MEMO1: variants seen among roughly 807,000 people sequenced by gnomAD.
MEMO1 encodes the protein mediator of cell motility 1, also known as protein MEMO1.
In MEMO1, 6 loss-of-function variants were observed where a neutral mutation model predicts 45.2. That is an observed-to-expected ratio of 0.13 (90% CI 0.07 to 0.26). The LOEUF is 0.26. Ranked by LOEUF, MEMO1 falls within the 10% of genes least tolerant of loss-of-function variation. MEMO1 has a pLI of 1.00. For synonymous variants in MEMO1, 78 were observed against 124.3 expected, an observed-to-expected ratio of 0.63 and a Z score of 2.48; for missense variants, 184 against 370.5, an observed-to-expected ratio of 0.50 and a Z score of 4.13.
rs112811489 is a variant in MEMO1 at position 31,924,830 on chromosome 2, T to A, written c.213-3920A>T. ...ACCTAAGGACATCCTGAATTCTGAG[T>A]TTTTAGAGTTTTAATAATAGTCAAC... On this transcript the variant is annotated intron_variant, in intron 4 of 9. Coordinates refer to ENST00000404530, the MANE Select transcript of MEMO1 (RefSeq NM_001301833.4). 8.1e-3 allele frequency among the ~76,000 whole-genome samples: 1,238 copies of A among 152,224 alleles called. 23 individuals carry two copies. Among genetic ancestry groups the A allele is most frequent in the African/African-American group, 0.028 (1,146 of 41,530 alleles).
chr2:31,931,240 G>A (rs568221061), intron 4 of MEMO1, among the ~76,000 whole-genome samples: 1 of 152,232 alleles, frequency 6.6e-6, no homozygotes, highest in African/African-American at 2.4e-5. Context: ...TGAATGAACT[G>A]CTCAAAGGCA....
At chr2:31,959,654 A>T (rs1667786587) in intron 2 of MEMO1, among the ~76,000 whole-genome samples, 1 of 152,076 alleles carries the variant, frequency 6.6e-6, no homozygotes, top group African/African-American at 2.4e-5. Context: ...AATGAAAACT[A>T]CTCCAAAAAA....
At chr2:31,923,959 A>T (rs972465419) in intron 4 of MEMO1, among the ~76,000 whole-genome samples, 2 of 152,156 alleles carry the variant, frequency 1.3e-5, no homozygotes, top group African/African-American at 4.8e-5. Flanking sequence ...ATGAAGGAAA[A>T]AGAGCCCCAC....
intron 2 of MEMO1, among the ~76,000 whole-genome samples, chr2:31,991,050 A>G (rs959701732): frequency 2.0e-5 from 3 of 152,222 alleles, no homozygotes; most frequent in African/African-American, 7.2e-5. Flanking sequence ...TCAACTATCA[A>G]ATTTGTTAAC....
chr2:31,881,602 A>G (rs1477244140), intron 8 of MEMO1, among the ~76,000 whole-genome samples: 1 of 152,088 alleles, frequency 6.6e-6, no homozygotes, highest in Non-Finnish European at 1.5e-5. Context: ...CAAAAGGACA[A>G]ATGAAGAGAA....
intron 2 of MEMO1, among the ~76,000 whole-genome samples, chr2:31,964,562 G>T (rs1356871952): frequency 6.6e-6 from 1 of 151,994 alleles, no homozygotes. Flanking sequence ...TTAGCCAGGT[G>T]TGGTGGCGCA....
intron 2 of MEMO1, among the ~76,000 whole-genome samples, chr2:31,998,690 C>T (rs147976009): frequency 1.3e-5 from 2 of 152,022 alleles, no homozygotes; most frequent in African/African-American, 2.4e-5. Context: ...ATCCCAGCTA[C>T]TCGGGAGGCT....
chr2:31,963,297 G>C (rs1311082267), intron 2 of MEMO1: 8 of 1,502,568 alleles, frequency 5.3e-6, no homozygotes, highest in African/African-American at 2.8e-5. Flanking sequence ...TCTACAGATA[G>C]GGATACAGAT....
intron 2 of MEMO1, among the ~76,000 whole-genome samples, chr2:32,002,823 AT>A (rs1673577848): frequency 6.6e-6 from 1 of 152,222 alleles, no homozygotes; most frequent in Non-Finnish European, 1.5e-5. Flanking sequence ...GAAGGAGATG[AT>A]TTTGACTTGG....
intron 2 of MEMO1, among the ~76,000 whole-genome samples, chr2:32,006,033 G>C (rs1357792879): frequency 6.6e-6 from 1 of 152,198 alleles, no homozygotes; most frequent in Non-Finnish European, 1.5e-5. Context: ...ATAAGAAACA[G>C]CATGATGTAT....
intron 3 of MEMO1, among the ~76,000 whole-genome samples, chr2:31,934,022 G>C (rs1235779329): frequency 6.6e-6 from 1 of 152,142 alleles, no homozygotes; most frequent in Non-Finnish European, 1.5e-5. Flanking sequence ...ATCTTAACTA[G>C]TTCTCTTACC....
chr2:31,880,399 A>C (rs1675180014), intron 8 of MEMO1, among the ~76,000 whole-genome samples: 1 of 152,252 alleles, frequency 6.6e-6, no homozygotes, highest in East Asian at 1.9e-4. Flanking sequence ...GTAGCAACTA[A>C]GGTAAGTTTA....
intron 6 of MEMO1, among the ~76,000 whole-genome samples, chr2:31,900,814 G>C (rs1678673644): frequency 1.3e-5 from 2 of 152,094 alleles, no homozygotes; most frequent in African/African-American, 4.8e-5. Context: ...ATATTGGCCA[G>C]GATGTAAAGA....
chr2:31,882,017 C>A (rs566974225), intron 8 of MEMO1, among the ~76,000 whole-genome samples: 1 of 151,832 alleles, frequency 6.6e-6, no homozygotes, highest in Non-Finnish European at 1.5e-5. Context: ...TGGTGGTAGG[C>A]GCCTGTGTCC....
chr2:31,986,604 A>G (rs939594652), intron 2 of MEMO1, among the ~76,000 whole-genome samples: 2 of 152,218 alleles, frequency 1.3e-5, no homozygotes, highest in African/African-American at 2.4e-5. Context: ...AAGTTTTGCA[A>G]AATACCTATT....
At chr2:31,975,520 C>T (rs910911810) in intron 2 of MEMO1, among the ~76,000 whole-genome samples, 2 of 152,136 alleles carry the variant, frequency 1.3e-5, no homozygotes, top group African/African-American at 4.8e-5. Context: ...CTCAAGAGTA[C>T]AGCACTTAGC....
At chr2:31,919,985 T>C (rs1337037617) in intron 5 of MEMO1, among the ~76,000 whole-genome samples, 1 of 151,534 alleles carries the variant, frequency 6.6e-6, no homozygotes, top group African/African-American at 2.4e-5. Context: ...TGTACATGCG[T>C]GTGTGTGAAT....
In MEMO1 at chr2:31,985,052, T is replaced by C. The variant is rs1483984274; in HGVS notation, c.61+25135A>G. On this transcript the variant is annotated intron_variant, in intron 2 of 9. Coordinates refer to ENST00000404530, the MANE Select transcript of MEMO1 (RefSeq NM_001301833.4). ...AAAATCTTTCCAAACTAAAAGGTCA[T>C]TAAAATAATAATAAACATGAATAGT... 2.6e-5 allele frequency among the ~76,000 whole-genome samples: 4 copies of C among 152,250 alleles called. 1 individual carries two copies. The East Asian group carries it at 5.8e-4, about 22-fold the overall frequency.
intron 1 of MEMO1, 37 bp downstream of exon 1, chr2:32,010,905 G>A (rs1382708917): frequency 6.6e-6 from 1 of 152,388 alleles, no homozygotes; most frequent in African/African-American, 2.4e-5. Context: ...CCTGAACCGG[G>A]GAAGGCAGAC....
Sources: allele counts gnomAD v4.1 joint callset (sites outside exome capture counted in the v4.1 genomes callset), GRCh38; gene constraint gnomAD v4.1.1; transcripts MANE v1.5; gene names NCBI Gene and HGNC (gene_info 2026-07-23, HGNC 2026-07-21).